The following PTPRE variants were observed in gnomAD, a reference collection of about 807,000 sequenced individuals.
PTPRE encodes the protein protein tyrosine phosphatase receptor type E.
In PTPRE, 51 loss-of-function variants were observed where a neutral mutation model predicts 102.0. The ratio of observed to expected loss-of-function variants is 0.50; its 90% CI spans 0.40 to 0.63. The LOEUF (loss-of-function observed/expected upper bound fraction) is 0.63, where lower values mean the gene tolerates loss of function less well. PTPRE is among the 30% of genes least tolerant of loss of function. PTPRE has a pLI of 0.00. For synonymous variants in PTPRE, 345 were observed against 348.2 expected, an observed-to-expected ratio of 0.99 and a Z score of 0.10; for missense variants, 752 against 915.1, an observed-to-expected ratio of 0.82 and a Z score of 2.30.
In PTPRE at chr10:127,958,310, C is replaced by T. The variant is rs116218310; in HGVS notation, c.-30-23964C>T. ...AAAATGTCTAGTTTCTTACCATTAA[C>T]GTATGACATTAGCTGTAGGTTTTTC... On this transcript the variant is annotated intron_variant, in intron 1 of 20. Transcript: ENST00000254667. Among the ~76,000 whole-genome samples the T allele has an allele frequency of 4.8e-3, 725 of 152,320 alleles. 3 individuals carry two copies. Among genetic ancestry groups the T allele is most frequent in the African/African-American group, 0.017 (688 of 41,570 alleles).
chr10:128,024,859 G>C (rs1846175615), intron 2 of PTPRE, among the ~76,000 whole-genome samples: 2 of 152,152 alleles, frequency 1.3e-5, no homozygotes. Context: ...GGCTTCTGCA[G>C]TGTTTATATA....
At chr10:127,977,562 G>A (rs567639970) in intron 1 of PTPRE, among the ~76,000 whole-genome samples, 12 of 152,314 alleles carry the variant, frequency 7.9e-5, no homozygotes, top group South Asian at 4.1e-4. Flanking sequence ...CCTTTTGTCC[G>A]AGTTTGGAAA....
At chr10:127,990,339 G>A (rs935905554) in intron 2 of PTPRE, among the ~76,000 whole-genome samples, 1 of 149,444 alleles carries the variant, frequency 6.7e-6, no homozygotes, top group South Asian at 2.1e-4. Context: ...TTGAACCCAG[G>A]AGGCGGAGGT....
intron 2 of PTPRE, among the ~76,000 whole-genome samples, chr10:128,003,183 G>T (rs1854149797): frequency 1.3e-5 from 2 of 152,180 alleles, no homozygotes; most frequent in South Asian, 4.1e-4. Context: ...CTCCTCATTG[G>T]TGATGAGAGA....
chr10:127,909,342 C>T (rs1845708102), intron 1 of PTPRE, among the ~76,000 whole-genome samples: 1 of 152,182 alleles, frequency 6.6e-6, no homozygotes, highest in African/African-American at 2.4e-5. Flanking sequence ...GCATCAGTTT[C>T]AACTGGTGAA....
At chr10:128,058,377 T>C (rs1199744751) in intron 7 of PTPRE, among the ~76,000 whole-genome samples, 1 of 152,188 alleles carries the variant, frequency 6.6e-6, no homozygotes, top group Admixed American at 6.5e-5. Context: ...AGCCTGAAAG[T>C]GTAGTCAGAT....
intron 1 of PTPRE, among the ~76,000 whole-genome samples, chr10:127,936,939 A>AT (rs1040901702): frequency 3.4e-4 from 51 of 152,154 alleles, no homozygotes; most frequent in African/African-American, 1.2e-3. Context: ...AAAGGGCCTT[A>AT]TTAAAGACTC....
intron 1 of PTPRE, among the ~76,000 whole-genome samples, chr10:127,957,990 G>A (rs1400784570): frequency 6.6e-6 from 1 of 152,124 alleles, no homozygotes; most frequent in Non-Finnish European, 1.5e-5. Context: ...AATTTCACTT[G>A]TTCACTTCTG....
intron 2 of PTPRE, among the ~76,000 whole-genome samples, chr10:127,992,359 C>T (rs890285227): frequency 1.3e-5 from 2 of 152,126 alleles, no homozygotes; most frequent in African/African-American, 4.8e-5. Context: ...CTGCAAGGCT[C>T]TAGGGTTCTC....
At chr10:127,916,500 T>C (rs1400223216) in intron 1 of PTPRE, among the ~76,000 whole-genome samples, 1 of 152,192 alleles carries the variant, frequency 6.6e-6, no homozygotes, top group Non-Finnish European at 1.5e-5. Flanking sequence ...AATTACCCAG[T>C]CTTAGGCAGT....
chr10:128,041,237 G>T (rs1847667509), intron 3 of PTPRE, among the ~76,000 whole-genome samples: 1 of 152,222 alleles, frequency 6.6e-6, no homozygotes, highest in South Asian at 2.1e-4. Context: ...GTCAGGGTCA[G>T]CCTTGGCTGG....
chr10:127,967,200 G>T (rs988364079), intron 1 of PTPRE, among the ~76,000 whole-genome samples: 1 of 152,174 alleles, frequency 6.6e-6, no homozygotes, highest in Non-Finnish European at 1.5e-5. Context: ...TTAAATTAAT[G>T]AATTTGTTTG....
At chr10:127,918,260 T>G (rs1846346271) in intron 1 of PTPRE, among the ~76,000 whole-genome samples, 1 of 151,932 alleles carries the variant, frequency 6.6e-6, no homozygotes, top group African/African-American at 2.4e-5. Flanking sequence ...AAACTTCCTT[T>G]AAAAAAGGAG....
chr10:128,059,389 G>A (rs998632920), intron 7 of PTPRE, among the ~76,000 whole-genome samples: 9 of 152,132 alleles, frequency 5.9e-5, no homozygotes, highest in Non-Finnish European at 1.0e-4. Flanking sequence ...CTCAACCATC[G>A]GAGGTCGCAG....
intron 1 of PTPRE, among the ~76,000 whole-genome samples, chr10:127,920,951 G>A (rs746727857): frequency 2.0e-5 from 3 of 152,194 alleles, no homozygotes; most frequent in Non-Finnish European, 4.4e-5. Context: ...CCAGACATGA[G>A]TCTCCTTGGC....
rs527660998 is a variant in PTPRE, at chr10:127,936,171, C to T, written c.-31+28862C>T. Reference sequence around the variant, plus strand: ...GTCACTCTCCATTTGTAAGATATCCCAGGGGTTGATGTCATCTTGTAAAGG... The same window carrying T: ...GTCACTCTCCATTTGTAAGATATCCTAGGGGTTGATGTCATCTTGTAAAGG... On this transcript the variant is annotated intron_variant, in intron 1 of 20. Coordinates refer to ENST00000254667, the MANE Select transcript of PTPRE (RefSeq NM_006504.6). 3 of 152,310 alleles carry T rather than the reference C, an allele frequency of 2.0e-5. No homozygotes were observed. In the East Asian group the frequency reaches 5.8e-4, roughly 29 times the overall value. 9.4% of individuals were successfully genotyped at this position (152,310 alleles called of 1,614,324 possible).
rs145644026 is a variant in PTPRE at position 127,942,344 on chromosome 10, T to C, written c.-31+35035T>C. Among the ~76,000 whole-genome samples the C allele has an allele frequency of 1.4e-3, 208 of 152,322 alleles. 2 individuals are homozygous for C. The highest frequency in any genetic ancestry group is 4.6e-3 in the African/African-American group (193 of 41,556). On this transcript the variant is annotated intron_variant, in intron 1 of 20. Transcript: ENST00000254667. Reference sequence around the variant, plus strand: ...TTCATCAACCTGTCTAAAATGAAATTTTTAAAGTATGTTTTTCTTTAAATT... The same window carrying C: ...TTCATCAACCTGTCTAAAATGAAATCTTTAAAGTATGTTTTTCTTTAAATT...
chr10:127,928,559 G>A (rs888830892), intron 1 of PTPRE, among the ~76,000 whole-genome samples: 4 of 152,046 alleles, frequency 2.6e-5, no homozygotes, highest in Non-Finnish European at 4.4e-5. Flanking sequence ...TTAATTCCAC[G>A]CACCTAGACC....
chr10:127,943,056 G>A (rs1848362091), intron 1 of PTPRE, among the ~76,000 whole-genome samples: 1 of 152,108 alleles, frequency 6.6e-6, no homozygotes, highest in Non-Finnish European at 1.5e-5. Context: ...CTGTTTTCAT[G>A]TGTTTTATTC....
Sources: gnomAD v4.1 joint callset for allele counts (sites outside exome capture counted in the v4.1 genomes callset) on GRCh38, gnomAD v4.1.1 for gene constraint, MANE v1.5 for transcripts, NCBI Gene and HGNC (gene_info 2026-07-23, HGNC 2026-07-21) for gene names.